Variants in ARHGAP1 observed in about 807,000 individuals in gnomAD.
The protein encoded by ARHGAP1 is rho GTPase-activating protein 1.
In ARHGAP1, 23 loss-of-function variants were observed where a neutral mutation model predicts 52.2. The ratio of observed to expected loss-of-function variants is 0.44; its 90% CI spans 0.32 to 0.62. The LOEUF (loss-of-function observed/expected upper bound fraction) is 0.62. Among genes scored for constraint, ARHGAP1 ranks in the 20% least tolerant of loss-of-function variants. The pLI, the probability that ARHGAP1 is intolerant of heterozygous loss-of-function variation, is 0.05. For synonymous variants in ARHGAP1, 210 were observed against 228.4 expected (o/e 0.92, Z 0.73); for missense variants, 480 against 560.9 (o/e 0.86, Z 1.46).
Position 46,677,791 on chromosome 11 carries a change from A to G in ARHGAP1, c.*1246T>C. The G allele has an allele frequency of 6.3e-6, 2 of 315,886 alleles. No individual in the cohort carries two copies. The highest frequency in any genetic ancestry group is 2.3e-5 in the South Asian group (1 of 42,828). 19.6% of individuals were successfully genotyped at this position (315,886 alleles called of 1,614,324 possible). ...ATGGTGAAACCCCGTCTCTACTAAA[A>G]ATACAAAAATTAGCTGGGCATGGTG... On this transcript the variant is annotated 3_prime_UTR_variant, in exon 13 of 13. Transcript: ENST00000311956.
chr11:46,695,596 G>A (rs1431436353), intron 3 of ARHGAP1, 64 bp downstream of exon 3: 1 of 1,487,984 alleles, frequency 6.7e-7, no homozygotes, highest in Admixed American at 2.0e-5. Flanking sequence ...CCTGTGGTGT[G>A]AAGGGCTGAC....
intron 3 of ARHGAP1, 66 bp from the exon 4 acceptor site, chr11:46,688,326 T>C: frequency 1.4e-6 from 2 of 1,476,742 alleles, no homozygotes; most frequent in South Asian, 1.2e-5. Flanking sequence ...GGTGAGGAAC[T>C]TAAAGGGGCC....
chr11:46,690,420 G>A (rs759299028), intron 3 of ARHGAP1, among the ~76,000 whole-genome samples: 3 of 152,008 alleles, frequency 2.0e-5, no homozygotes, highest in Non-Finnish European at 4.4e-5. Flanking sequence ...GAAAAGAGAT[G>A]GGGGTCTCAA....
At chr11:46,692,569 C>T (rs2064622118) in intron 3 of ARHGAP1, among the ~76,000 whole-genome samples, 2 of 152,168 alleles carry the variant, frequency 1.3e-5, no homozygotes, top group African/African-American at 4.8e-5. Context: ...CCTGTGGTGT[C>T]TCCTCTCAGC....
chr11:46,688,148 A>G, intron 4 of ARHGAP1, 25 bp downstream of exon 4: 3 of 1,606,446 alleles, frequency 1.9e-6, no homozygotes, highest in Non-Finnish European at 2.6e-6. Context: ...GCAAAGCCCC[A>G]ACACACTTCC....
rs768452427 is a variant in ARHGAP1 at position 46,680,640 on chromosome 11, T to G, written c.743A>C (p.His248Pro). 1 of 1,612,890 alleles carries G rather than the reference T, an allele frequency of 6.2e-7. No individual in the cohort carries two copies. The highest frequency in any genetic ancestry group is 8.5e-7 in the Non-Finnish European group (1 of 1,179,254). The change falls in exon 8 of 13, where the codon CAC becomes CCC. Residue 248 changes from histidine (H) to proline (P), a missense_variant and splice_region_variant. Physicochemically the swap from His to Pro is moderately conservative, Grantham distance 77 (BLOSUM62 -2). Coordinates refer to ENST00000311956, the MANE Select transcript of ARHGAP1 (RefSeq NM_004308.5). This position sits in a 1 kb window ranked among gnomAD's most constrained non-coding sequence, Gnocchi z 5.9. Reference protein sequence around the residue: ...PNQQFGVSLQHLQEKNPEQEP... With the variant: ...PNQQFGVSLQPLQEKNPEQEP... ...TGGCCCAGCCACCTTTCATACTTAC[T>G]GCTGCAGCGAGACTCCAAACTGCTG...
At chr11:46,699,506 C>A (rs1435345271) in intron 1 of ARHGAP1, among the ~76,000 whole-genome samples, 1 of 150,654 alleles carries the variant, frequency 6.6e-6, no homozygotes, top group Non-Finnish European at 1.5e-5. Context: ...ATTTGGAGAC[C>A]AACCTGGCCA....
At chr11:46,688,933 A>G (rs2064591656) in intron 3 of ARHGAP1, among the ~76,000 whole-genome samples, 1 of 151,876 alleles carries the variant, frequency 6.6e-6, no homozygotes. Context: ...AAAATACAAA[A>G]ATTAGCTGGG....
In ARHGAP1 at chr11:46,680,548, A is replaced by T. The variant is rs2064517134; in HGVS notation, c.759T>A (p.Asn253Lys). The T allele has an allele frequency of 6.2e-7, 1 of 1,613,932 alleles. No individual in the cohort carries two copies. The highest frequency in any genetic ancestry group is 1.3e-5 in the African/African-American group (1 of 74,982). ...CAATGGGAATGGGCTCCTGCTCTGGATTCTTCTCCTGGAGGCTGCGGGAAA... is the reference window on the plus strand; with the variant it reads ...CAATGGGAATGGGCTCCTGCTCTGGTTTCTTCTCCTGGAGGCTGCGGGAAA... ...GVSLQHLQEK[N>K]PEQEPIPIVL... The change falls in exon 9 of 13, where the codon AAT becomes AAA. Residue 253 changes from asparagine (N) to lysine (K), a missense_variant. By Grantham distance (94) the Asn-to-Lys change is moderately conservative. Coordinates refer to ENST00000311956, the MANE Select transcript of ARHGAP1 (RefSeq NM_004308.5). The surrounding 1 kb of genome is among the most constrained non-coding windows in gnomAD (Gnocchi z 5.9).
In ARHGAP1 at chr11:46,681,261, C is replaced by T. The variant is rs776388150; in HGVS notation, c.536+32G>A. 15 of 1,591,220 alleles carry T rather than the reference C, an allele frequency of 9.4e-6. No individual in the cohort carries two copies. Among genetic ancestry groups the T allele is most frequent in the Admixed American group, 3.3e-5 (2 of 59,976 alleles). Reference sequence around the variant, plus strand: ...CCCAGCTTCAGAGTTCCAGGCAAGCCGGGACCACCAGCCCTGCCCGTGGCC... The same window carrying T: ...CCCAGCTTCAGAGTTCCAGGCAAGCTGGGACCACCAGCCCTGCCCGTGGCC... On this transcript the variant is annotated intron_variant, in intron 6 of 12. Transcript: ENST00000311956. The surrounding 1 kb of genome is among the most constrained non-coding windows in gnomAD (Gnocchi z 5.7).
chr11:46,700,534 C>G lies in ARHGAP1; in HGVS notation c.-50+17G>C, dbSNP rs535210734. The stretch of plus-strand genomic sequence containing the variant: ...TCCCCATCCCCACCCGGGGAGACCC[C>G]GCGCCCAGCAGCTCACCGCGCTCGG... On this transcript the variant is annotated intron_variant, in intron 1 of 12. Transcript: ENST00000311956. The G allele has an allele frequency of 2.3e-5, 4 of 173,124 alleles. No homozygotes were observed. The highest frequency in any genetic ancestry group is 1.6e-4 in the East Asian group (1 of 6,200). The allele number at this position is 173,124 out of a possible 1,614,324, so 10.7% of individuals were successfully genotyped here.
Position 46,679,168 on chromosome 11 carries a change from C to G in ARHGAP1, c.1189G>C (p.Gly397Arg), listed in dbSNP as rs773061818. Residue 397 changes from glycine to arginine, a missense_variant, in exon 13 of 13, where the codon GGC becomes CGC. Physicochemically the swap from Gly to Arg is moderately radical, Grantham distance 125. Coordinates refer to ENST00000311956, the MANE Select transcript of ARHGAP1 (RefSeq NM_004308.5). The surrounding 1 kb of genome is among the most constrained non-coding windows in gnomAD (Gnocchi z 4.4). Reference sequence around the variant, plus strand: ...TCCTTGGCCCACAGCAGGTTAGGGCCGAAAACAACAGCCAGGTTAGTGTTG... The same window carrying G: ...TCCTTGGCCCACAGCAGGTTAGGGCGGAAAACAACAGCCAGGTTAGTGTTG... ...MTNTNLAVVF[G>R]PNLLWAKDAA... is the part of the protein sequence containing the mutation. 3 of 1,613,078 alleles carry G rather than the reference C, an allele frequency of 1.9e-6. No individual in the cohort carries two copies. Among genetic ancestry groups the G allele is most frequent in the Non-Finnish European group, 2.5e-6 (3 of 1,179,540 alleles).
chr11:46,689,497 G>A (rs965965707), intron 3 of ARHGAP1, among the ~76,000 whole-genome samples: 7 of 152,120 alleles, frequency 4.6e-5, no homozygotes, highest in African/African-American at 1.7e-4. Flanking sequence ...ATTGTACACT[G>A]CAAACTGATG....
intron 3 of ARHGAP1, among the ~76,000 whole-genome samples, chr11:46,690,473 C>T (rs1349709360): frequency 3.3e-5 from 5 of 151,996 alleles, no homozygotes; most frequent in Non-Finnish European, 7.4e-5. Context: ...TTTAGGTGAT[C>T]CTCTCACCTC....
At chr11:46,684,862 C>T (rs2064555592) in intron 4 of ARHGAP1, among the ~76,000 whole-genome samples, 1 of 151,844 alleles carries the variant, frequency 6.6e-6, no homozygotes, top group African/African-American at 2.4e-5. Context: ...CAGAGACGGG[C>T]AGATCACCAG....
chr11:46,699,484 C>G (rs2064682428), intron 1 of ARHGAP1, among the ~76,000 whole-genome samples: 1 of 152,044 alleles, frequency 6.6e-6, no homozygotes, highest in Non-Finnish European at 1.5e-5. Context: ...GCGGGCGGAT[C>G]ACAAGGTCAG....
intron 3 of ARHGAP1, among the ~76,000 whole-genome samples, chr11:46,692,922 C>T (rs1023012059): frequency 6.6e-5 from 10 of 151,428 alleles, no homozygotes; most frequent in South Asian, 4.2e-4. Context: ...GCACGATCTC[C>T]GCTCACTGCA....
chr11:46,695,970 C>T lies in ARHGAP1; in HGVS notation c.133+5G>A. 6.2e-7 allele frequency: 1 copy of T among 1,614,204 alleles called. No individual in the cohort carries two copies. On this transcript the variant is annotated splice_donor_5th_base_variant and intron_variant, in intron 2 of 12. Transcript: ENST00000311956. ...GTAGCTGCCTGAGACCAGACACAAGCCCACCTGACTTGGGGAAGTCAGGCA... is the reference window on the plus strand; with the variant it reads ...GTAGCTGCCTGAGACCAGACACAAGTCCACCTGACTTGGGGAAGTCAGGCA...
chr11:46,679,174 C>T lies in ARHGAP1; in HGVS notation c.1183G>A (p.Val395Ile), dbSNP rs1263951695. ...NKMTNTNLAV[V>I]FGPNLLWAKD... Reference sequence around the variant, plus strand: ...GCCCACAGCAGGTTAGGGCCGAAAACAACAGCCAGGTTAGTGTTGGTCATC... The same window carrying T: ...GCCCACAGCAGGTTAGGGCCGAAAATAACAGCCAGGTTAGTGTTGGTCATC... Residue 395 changes from valine (V) to isoleucine (I), a missense_variant, in exon 13 of 13, where the codon GTT becomes ATT. By Grantham distance (29) the Val-to-Ile change is conservative. Transcript: ENST00000311956. The surrounding 1 kb of genome is among the most constrained non-coding windows in gnomAD (Gnocchi z 4.4). 6.2e-7 allele frequency: 1 copy of T among 1,613,068 alleles called. No individual in the cohort carries two copies. The highest frequency in any genetic ancestry group is 1.7e-5 in the Admixed American group (1 of 59,898).
Sources: gnomAD v4.1 joint callset for allele counts (sites outside exome capture counted in the v4.1 genomes callset) on GRCh38, gnomAD v4.1.1 for gene constraint, Gnocchi (gnomAD v3.1) non-coding constraint, MANE v1.5 for transcripts, NCBI Gene and HGNC (gene_info 2026-07-23, HGNC 2026-07-21) for gene names.